FSCN2: variants seen among roughly 807,000 people sequenced by gnomAD.
The protein encoded by FSCN2 is fascin actin-bundling protein 2, retinal.
FSCN2 carries 46 observed loss-of-function variants against 37.8 expected under a neutral mutation model. The observed-to-expected ratio is 1.22, with a 90% CI of 0.96 to 1.56. The LOEUF (loss-of-function observed/expected upper bound fraction) is 1.56, where lower values mean the gene tolerates loss of function less well. Among genes scored for constraint, FSCN2 ranks in the 40% most tolerant of loss-of-function variants. The pLI is 0.00. For missense variants in FSCN2, 844 were observed against 730.4 expected, an observed-to-expected ratio of 1.16 and a Z score of -1.79; for synonymous variants, 351 against 309.4, an observed-to-expected ratio of 1.13 and a Z score of -1.41.
chr17:81,515,346 G>GC, the FSCN2 span, among the ~76,000 whole-genome samples: 1 of 152,336 alleles, frequency 6.6e-6, no homozygotes, highest in South Asian at 2.1e-4. Flanking sequence ...CATGGATGGA[G>GC]CTGGGGGTAG....
chr17:81,533,027 C>A (rs142850259), intron 1 of FSCN2, among the ~76,000 whole-genome samples: 2 of 152,096 alleles, frequency 1.3e-5, no homozygotes, highest in South Asian at 2.1e-4. Flanking sequence ...CTGTAGGGAG[C>A]GGGACATGGC....
chr17:81,522,683 G>C, the FSCN2 span, among the ~76,000 whole-genome samples: 1 of 151,758 alleles, frequency 6.6e-6, no homozygotes, highest in African/African-American at 2.4e-5. Context: ...ATGCAGGTTC[G>C]CAGGGGCTGG....
At chr17:81,532,161 ATGGTGATGGTGGTGGTGATGG>A (rs2032679982) in intron 1 of FSCN2, among the ~76,000 whole-genome samples, 2 of 72,124 alleles carry the variant, frequency 2.8e-5, no homozygotes, top group African/African-American at 1.5e-4. Context: ...GGTGATGATG[ATGGTGATGGTGGTGGTGATGG>A]TGGTGGTGAT....
At position 81,529,341 on chromosome 17, in the gene FSCN2, C is replaced by T. The variant is rs782805395; in HGVS notation, c.810C>T (p.Tyr270=). 34 of 1,546,062 alleles carry T rather than the reference C, an allele frequency of 2.2e-5. No individual in the cohort carries two copies. The highest frequency in any genetic ancestry group is 5.0e-5 in the South Asian group (4 of 79,246). ...QVVLVAANHR[Y]VSVRQGVNVS... ...TGCTGGTGGCTGCCAACCACCGCTA[C>T]GTCTCTGTGCGGCAAGGTAGGGAGG... The change falls in exon 1 of 5, where the codon TAC becomes TAT. Residue 270 remains tyrosine (Y), a synonymous_variant. Coordinates refer to ENST00000417245, the MANE Select transcript of FSCN2 (RefSeq NM_012418.4).
Position 81,528,855 on chromosome 17 carries a change from C to G in FSCN2, c.324C>G (p.Gly108=). Residue 108 remains glycine, a synonymous_variant, in exon 1 of 5, where the codon GGC becomes GGG. Coordinates refer to ENST00000417245, the MANE Select transcript of FSCN2 (RefSeq NM_012418.4). ...GGGTGCTGCGGTCCGAGCCGCACGGCCGCTTCTTCGGAGGCACCGAGGACC... is the reference window on the plus strand; with the variant it reads ...GGGTGCTGCGGTCCGAGCCGCACGGGCGCTTCTTCGGAGGCACCGAGGACC... ...GRWVLRSEPH[G]RFFGGTEDQL... 6.4e-7 allele frequency: 1 copy of G among 1,557,866 alleles called. No individual in the cohort carries two copies. Among genetic ancestry groups the G allele is most frequent in the Non-Finnish European group, 8.7e-7 (1 of 1,154,270 alleles).
the FSCN2 span, among the ~76,000 whole-genome samples, chr17:81,518,283 ACT>A: frequency 6.6e-6 from 1 of 150,826 alleles, no homozygotes; most frequent in African/African-American, 2.4e-5. Context: ...TCTTTCACCC[ACT>A]CTCTGCCCTA....
At chr17:81,524,405 G>A (rs1477595552), upstream of FSCN2, among the ~76,000 whole-genome samples, 1 of 152,194 alleles carries the variant, frequency 6.6e-6, no homozygotes, top group Non-Finnish European at 1.5e-5. Flanking sequence ...CCCCCTCCCA[G>A]GTGCAGACCT....
At chr17:81,532,304 A>ATGATG (rs2032694151) in intron 1 of FSCN2, among the ~76,000 whole-genome samples, 18 of 43,280 alleles carry the variant, frequency 4.2e-4, no homozygotes, top group African/African-American at 2.0e-3. Context: ...TGATGATGAT[A>ATGATG]GTGATGGCGA....
the FSCN2 span, among the ~76,000 whole-genome samples, chr17:81,522,993 T>C: frequency 3.3e-5 from 5 of 152,310 alleles, no homozygotes; most frequent in Admixed American, 2.0e-4. Flanking sequence ...CGGGGTCCCT[T>C]TGGGGACTTT....
intron 1 of FSCN2, among the ~76,000 whole-genome samples, chr17:81,532,404 G>GTGATGGTGA (rs1285270958): frequency 6.3e-5 from 8 of 127,060 alleles, no homozygotes; most frequent in African/African-American, 2.8e-4. Flanking sequence ...GGTGATGATA[G>GTGATGGTGA]TGATGGTGAT....
the FSCN2 span, among the ~76,000 whole-genome samples, chr17:81,515,278 C>T: frequency 6.6e-6 from 1 of 151,924 alleles, no homozygotes; most frequent in Non-Finnish European, 1.5e-5. Context: ...GGGCAGCCGC[C>T]ACCCTTCTGG....
At chr17:81,532,713 G>GTGGTGATAGTGA (rs2032739698) in intron 1 of FSCN2, among the ~76,000 whole-genome samples, 2 of 89,498 alleles carry the variant, frequency 2.2e-5, no homozygotes, top group Admixed American at 9.5e-5. Flanking sequence ...GATAGTGATG[G>GTGGTGATAGTGA]TGGTGGTGAT....
At chr17:81,525,630 C>T (rs2032329318), upstream of FSCN2, among the ~76,000 whole-genome samples, 1 of 151,926 alleles carries the variant, frequency 6.6e-6, no homozygotes, top group Admixed American at 6.6e-5. Context: ...GAGGCCGAGG[C>T]AGGAGAATCA....
the FSCN2 span, among the ~76,000 whole-genome samples, chr17:81,517,770 C>A: frequency 6.0e-5 from 9 of 151,070 alleles, no homozygotes; most frequent in Non-Finnish European, 1.0e-4. Flanking sequence ...GCCCCCCCCC[C>A]CTCCAGTCCC....
chr17:81,536,140 C>G lies in FSCN2; in HGVS notation c.984-6C>G. ...TCCTGAGGAGACCTTTTGCTGCTCC[C>G]TCCAGTTCTGCCAACACCATGTTTG... On this transcript the variant is annotated splice_region_variant and splice_polypyrimidine_tract_variant and intron_variant, in intron 2 of 4. Transcript: ENST00000417245. The G allele has an allele frequency of 6.2e-7, 1 of 1,606,782 alleles. No homozygotes were observed. Among genetic ancestry groups the G allele is most frequent in the Non-Finnish European group, 8.5e-7 (1 of 1,177,340 alleles).
At chr17:81,524,576 G>A (rs1242009528), upstream of FSCN2, among the ~76,000 whole-genome samples, 5 of 152,210 alleles carry the variant, frequency 3.3e-5, no homozygotes, top group African/African-American at 1.2e-4. Flanking sequence ...CCATGTGAGT[G>A]GTTGGTTGGC....
intron 1 of FSCN2, 119 bp from the exon 2 acceptor site, chr17:81,534,928 CTCAAG>C (rs1004621575): frequency 2.9e-5 from 19 of 645,756 alleles, no homozygotes; most frequent in East Asian, 2.2e-4. Context: ...TCCAAATCTT[CTCAAG>C]TCAAGAGGGT....
chr17:81,521,740 A>G, the FSCN2 span, among the ~76,000 whole-genome samples: 1 of 151,952 alleles, frequency 6.6e-6, no homozygotes, highest in African/African-American at 2.4e-5. Context: ...TTCTCCTTCT[A>G]TTTCTGAGCC....
intron 1 of FSCN2, chr17:81,530,002 G>A (rs1598571311): frequency 6.7e-6 from 2 of 298,860 alleles, no homozygotes; most frequent in African/African-American, 2.2e-5. Context: ...AGAAGAGACG[G>A]GGTTTCACTG....
Sources: gnomAD v4.1 joint callset for allele counts (sites outside exome capture counted in the v4.1 genomes callset) on GRCh38, gnomAD v4.1.1 for gene constraint, MANE v1.5 for transcripts, NCBI Gene and HGNC (gene_info 2026-07-23, HGNC 2026-07-21) for gene names.